The following C14orf39 variants were observed in gnomAD, a reference collection of about 807,000 sequenced individuals.
The protein encoded by C14orf39 is chromosome 14 open reading frame 39.
C14orf39 carries 66 observed loss-of-function variants against 85.6 expected under a neutral mutation model. The ratio of observed to expected loss-of-function variants is 0.77; its 90% CI spans 0.63 to 0.95. C14orf39 has a LOEUF of 0.95. Ranked by LOEUF, C14orf39 falls within the 40% of genes least tolerant of loss-of-function variation. C14orf39 has a pLI of 0.00. For synonymous variants in C14orf39, 242 were observed against 214.0 expected (o/e 1.13, Z -1.14); for missense variants, 735 against 663.9 (o/e 1.11, Z -1.18).
intron 11 of C14orf39, among the ~76,000 whole-genome samples, chr14:60,464,739 C>T (rs1484541829): frequency 1.3e-5 from 2 of 152,034 alleles, no homozygotes; most frequent in African/African-American, 4.8e-5. Flanking sequence ...GTTGTTTCCG[C>T]TCTTCTGCTT....
At chr14:60,490,205 T>A (rs1013273371), upstream of C14orf39, among the ~76,000 whole-genome samples, 4 of 152,158 alleles carry the variant, frequency 2.6e-5, no homozygotes, top group Non-Finnish European at 5.9e-5. Flanking sequence ...TACAGGTGAC[T>A]CACAATGTGT....
At chr14:60,500,247 G>A (rs537349691) in intron 1 of C14orf39, among the ~76,000 whole-genome samples, 4 of 151,976 alleles carry the variant, frequency 2.6e-5, no homozygotes, top group Non-Finnish European at 4.4e-5. Context: ...GGCTGGTCTC[G>A]AACTCCCGAC....
chr14:60,489,120 A>C (rs546609418), upstream of C14orf39, among the ~76,000 whole-genome samples: 4 of 152,148 alleles, frequency 2.6e-5, no homozygotes, highest in African/African-American at 7.2e-5. Flanking sequence ...ATTATCAGGG[A>C]GTTATCCAAA....
At position 60,461,412 on chromosome 14, in the gene C14orf39, T is replaced by A. The variant is rs933651214; in HGVS notation, c.1059A>T (p.Arg353Ser). ...TTGATTGTTTCTGTGGGGTTAACAATCTAAAATGGAATAAATATAATTTTT... is the reference window on the plus strand; with the variant it reads ...TTGATTGTTTCTGTGGGGTTAACAAACTAAAATGGAATAAATATAATTTTT... ...ITSSQKFMQV[R>S]LLTPQKQSNS... Residue 353 changes from arginine to serine, a missense_variant and splice_region_variant, in exon 13 of 18, where the codon AGA becomes AGT. Coordinates refer to ENST00000321731, the MANE Select transcript of C14orf39 (RefSeq NM_174978.3). The A allele has an allele frequency of 1.2e-6, 2 of 1,607,028 alleles. No individual in the cohort carries two copies. The highest frequency in any genetic ancestry group is 1.1e-5 in the South Asian group (1 of 89,978).
chr14:60,506,964 T>C (rs1056356585), intron 1 of C14orf39, among the ~76,000 whole-genome samples: 1 of 152,206 alleles, frequency 6.6e-6, no homozygotes, highest in African/African-American at 2.4e-5. Flanking sequence ...TCTCCCCGAA[T>C]GTGCCGCTTC....
intron 11 of C14orf39, among the ~76,000 whole-genome samples, chr14:60,464,419 A>T (rs552824654): frequency 1.3e-5 from 2 of 152,204 alleles, no homozygotes; most frequent in East Asian, 3.9e-4. Flanking sequence ...GCCAAACTCA[A>T]CTCCTAAACT....
chr14:60,463,296 G>A (rs72720126), intron 11 of C14orf39, among the ~76,000 whole-genome samples: 1 of 151,936 alleles, frequency 6.6e-6, no homozygotes, highest in African/African-American at 2.4e-5. Flanking sequence ...TAATTTGTAA[G>A]AGTTACTATG....
chr14:60,482,900 G>GTC (rs1285273563), intron 4 of C14orf39, among the ~76,000 whole-genome samples: 1 of 150,554 alleles, frequency 6.6e-6, no homozygotes, highest in Non-Finnish European at 1.5e-5. Flanking sequence ...GTGTGTGTGT[G>GTC]TGTGTGTGTG....
In C14orf39 at chr14:60,492,337, A is replaced by T. The variant is rs148600922; in HGVS notation, c.-9+6959T>A. Reference sequence around the variant, plus strand: ...AATATTAACACATGTACAAAAGTGAATTTTTTAAAAAGAAATAAAAATATC... The same window carrying T: ...AATATTAACACATGTACAAAAGTGATTTTTTTAAAAAGAAATAAAAATATC... On this transcript the variant is annotated intron_variant, in intron 2 of 5. Transcript: ENST00000556799. 5.2e-3 allele frequency among the ~76,000 whole-genome samples: 785 copies of T among 152,270 alleles called. 3 individuals are homozygous for T. The highest frequency in any genetic ancestry group is 0.017 in the African/African-American group (707 of 41,550).
At position 60,472,300 on chromosome 14, in the gene C14orf39, T is replaced by G. The variant is rs1892125789; in HGVS notation, c.324-561A>C. On this transcript the variant is annotated intron_variant, in intron 5 of 17. Coordinates refer to ENST00000321731, the MANE Select transcript of C14orf39 (RefSeq NM_174978.3). ...TTTATGAAGAAAATTTTATCACAGT[T>G]TAGAAGAACTCTACTCCAGCTCCAA... is the stretch of plus-strand genomic sequence containing the variant. Among the ~76,000 whole-genome samples the G allele has an allele frequency of 6.6e-5, 10 of 152,234 alleles. No individual in the cohort carries two copies. In the South Asian group the frequency reaches 2.1e-3, roughly 32 times the overall value.
intron 16 of C14orf39, among the ~76,000 whole-genome samples, chr14:60,449,966 C>T (rs1769458786): frequency 6.6e-6 from 1 of 152,192 alleles, no homozygotes; most frequent in Non-Finnish European, 1.5e-5. Flanking sequence ...AGGACCCAGT[C>T]CTGGCAGAAT....
chr14:60,469,677 C>A, intron 7 of C14orf39, 24 bp from the exon 8 acceptor site: 1 of 988,406 alleles, frequency 1.0e-6, no homozygotes, highest in South Asian at 2.6e-5. Flanking sequence ...GGAACTATGT[C>A]ATATAAGTAA....
Position 60,457,099 on chromosome 14 carries a change from C to A in C14orf39, c.1180-4G>T, listed in dbSNP as rs751346264. The A allele has an allele frequency of 3.9e-6, 6 of 1,526,160 alleles. No individual in the cohort carries two copies. The Admixed American group carries it at 1.1e-4, about 29-fold the overall frequency. 94.5% of individuals were successfully genotyped at this position (1,526,160 alleles called of 1,614,324 possible). ...CAAAATGTTCAGTATATATAGCCTG[C>A]AAATTCAAAGTAACAGAAAACTATA... On this transcript the variant is annotated splice_polypyrimidine_tract_variant and splice_region_variant and intron_variant, in intron 14 of 17. Transcript: ENST00000321731.
intron 1 of C14orf39, among the ~76,000 whole-genome samples, chr14:60,507,149 G>C (rs911681772): frequency 6.6e-6 from 1 of 152,128 alleles, no homozygotes; most frequent in East Asian, 1.9e-4. Flanking sequence ...TGAGCGCCAA[G>C]CAATTTCGCG....
chr14:60,510,588 C>T (rs1893275967), intron 1 of C14orf39, among the ~76,000 whole-genome samples: 2 of 152,170 alleles, frequency 1.3e-5, no homozygotes, highest in Non-Finnish European at 2.9e-5. Flanking sequence ...AGCCCGGCCT[C>T]ATCCCCCAGG....
chr14:60,489,644 T>A (rs937892785), upstream of C14orf39, among the ~76,000 whole-genome samples: 4 of 152,188 alleles, frequency 2.6e-5, no homozygotes, highest in Non-Finnish European at 4.4e-5. Flanking sequence ...TTGAGTACCA[T>A]CTCCTCTTAC....
chr14:60,483,716 C>T lies in C14orf39; in HGVS notation c.208G>A (p.Glu70Lys), dbSNP rs139363011. 1.0e-5 allele frequency: 16 copies of T among 1,596,804 alleles called. No individual in the cohort carries two copies. The highest frequency in any genetic ancestry group is 1.3e-5 in the Non-Finnish European group (15 of 1,170,036). The change falls in exon 4 of 18, where the codon GAG (glutamate) becomes AAG (lysine). Residue 70 changes from glutamate to lysine, a missense_variant. Coordinates refer to ENST00000321731, the MANE Select transcript of C14orf39 (RefSeq NM_174978.3). ...EEIDHYCKHS[E>K]EIKDNCRNWK... ...TTTCTACAGTTGTCTTTAATCTCCT[C>T]ACTATGTTTACAGTAATGATCAATT...
At chr14:60,502,858 T>C (rs1433796434) in intron 1 of C14orf39, among the ~76,000 whole-genome samples, 2 of 152,192 alleles carry the variant, frequency 1.3e-5, no homozygotes, top group African/African-American at 4.8e-5. Flanking sequence ...TGATCCAAAA[T>C]GATTGAAACA....
At chr14:60,437,216 G>A (rs956320823) in intron 17 of C14orf39, among the ~76,000 whole-genome samples, 169 bp from the exon 18 acceptor site, 2 of 151,868 alleles carry the variant, frequency 1.3e-5, no homozygotes, top group African/African-American at 4.8e-5. Context: ...CATTGTCCTT[G>A]GTACTATGAA....
Sources: gnomAD v4.1 joint callset for allele counts (sites outside exome capture counted in the v4.1 genomes callset) on GRCh38, gnomAD v4.1.1 for gene constraint, MANE v1.5 for transcripts, NCBI Gene and HGNC (gene_info 2026-07-23, HGNC 2026-07-21) for gene names.